ADAMTS17: variants seen among roughly 807,000 people sequenced by gnomAD.
ADAMTS17 encodes A disintegrin and metalloproteinase with thrombospondin motifs 17.
A neutral mutation model predicts 141.5 loss-of-function variants in ADAMTS17; 113 were observed. The observed-to-expected ratio is 0.80, with a 90% CI of 0.69 to 0.93. ADAMTS17 has a LOEUF of 0.93. ADAMTS17 is among the 40% of genes least tolerant of loss of function. The pLI, the probability that ADAMTS17 is intolerant of heterozygous loss-of-function variation, is 0.00. For synonymous variants in ADAMTS17, 768 were observed against 630.6 expected (o/e 1.22, Z -3.27); for missense variants, 1,659 against 1,517.9 (o/e 1.09, Z -1.54).
intron 8 of ADAMTS17, among the ~76,000 whole-genome samples, chr15:100,161,285 C>T (rs1013357009): frequency 2.0e-5 from 3 of 152,224 alleles, no homozygotes; most frequent in Admixed American, 6.5e-5. Flanking sequence ...GACGGAACCT[C>T]TGCCACTCTG....
intron 15 of ADAMTS17, among the ~76,000 whole-genome samples, chr15:100,070,791 G>A (rs564967613): frequency 1.3e-5 from 2 of 149,156 alleles, no homozygotes; most frequent in African/African-American, 2.5e-5. Context: ...GAGAAAGCAG[G>A]AAAGATCTAA....
intron 7 of ADAMTS17, among the ~76,000 whole-genome samples, chr15:100,215,514 T>C (rs575818040): frequency 1.3e-5 from 2 of 152,264 alleles, no homozygotes; most frequent in East Asian, 1.9e-4. Flanking sequence ...GTGGAGTCTT[T>C]GCATGGCCAA....
intron 15 of ADAMTS17, among the ~76,000 whole-genome samples, chr15:100,068,884 G>C (rs184416355): frequency 6.6e-6 from 1 of 152,318 alleles, no homozygotes; most frequent in East Asian, 1.9e-4. Flanking sequence ...ACCAGCAAGG[G>C]AACAAAGGGA....
At chr15:100,327,054 G>A (rs1357323180) in intron 3 of ADAMTS17, among the ~76,000 whole-genome samples, 2 of 152,114 alleles carry the variant, frequency 1.3e-5, no homozygotes, top group Admixed American at 1.3e-4. Flanking sequence ...GCCAGAGGTT[G>A]CACATTTTTT....
intron 15 of ADAMTS17, among the ~76,000 whole-genome samples, chr15:100,082,386 T>C (rs1596372668): frequency 2.8e-5 from 2 of 71,698 alleles, no homozygotes; most frequent in South Asian, 3.4e-4. Context: ...TTTGATAGTC[T>C]TTTTTTTTTT....
At chr15:100,164,128 C>G (rs1284000242) in intron 8 of ADAMTS17, among the ~76,000 whole-genome samples, 1 of 151,688 alleles carries the variant, frequency 6.6e-6, no homozygotes, top group African/African-American at 2.4e-5. Context: ...ACACCCTCCT[C>G]CACCCCTGCA....
At chr15:100,101,450 C>T (rs1055131241) in intron 14 of ADAMTS17, among the ~76,000 whole-genome samples, 3 of 152,198 alleles carry the variant, frequency 2.0e-5, no homozygotes, top group Non-Finnish European at 4.4e-5. Flanking sequence ...CAGGAATAAA[C>T]GAAATTCCAC....
rs371016999 is a variant in ADAMTS17 at position 100,043,765 on chromosome 15, T to C, written c.2591+5092A>G. On this transcript the variant is annotated intron_variant, in intron 18 of 21. Coordinates refer to ENST00000268070, the MANE Select transcript of ADAMTS17 (RefSeq NM_139057.4). Reference sequence around the variant, plus strand: ...ACAGATGAAGTTTGCTGACCCCTGTTCTACGGAGATACTAAGAACTTGCTT... The same window carrying C: ...ACAGATGAAGTTTGCTGACCCCTGTCCTACGGAGATACTAAGAACTTGCTT... Among the ~76,000 whole-genome samples the C allele has an allele frequency of 3.3e-5, 5 of 152,392 alleles. No individual in the cohort carries two copies. The East Asian group carries it at 9.6e-4, about 29-fold the overall frequency.
At chr15:100,115,435 AGGT>A (rs1010973744) in intron 13 of ADAMTS17, among the ~76,000 whole-genome samples, 1 of 152,216 alleles carries the variant, frequency 6.6e-6, no homozygotes, top group African/African-American at 2.4e-5. Context: ...CGGTCCCCAA[AGGT>A]GGTGTTCTTT....
chr15:100,114,785 G>A (rs1189911480), intron 13 of ADAMTS17, among the ~76,000 whole-genome samples: 3 of 152,208 alleles, frequency 2.0e-5, no homozygotes, highest in Admixed American at 2.0e-4. Context: ...AGGCTTCCTG[G>A]GTGGAGGATC....
chr15:100,120,202 C>A (rs11632267), intron 12 of ADAMTS17, among the ~76,000 whole-genome samples: 1 of 152,204 alleles, frequency 6.6e-6, no homozygotes, highest in Non-Finnish European at 1.5e-5. Flanking sequence ...CAAAAACTAC[C>A]TGAAGAAACT....
intron 19 of ADAMTS17, among the ~76,000 whole-genome samples, chr15:99,994,220 T>C (rs2060749472): frequency 6.6e-6 from 1 of 152,222 alleles, no homozygotes; most frequent in Non-Finnish European, 1.5e-5. Context: ...AAAGATGGTG[T>C]GCAGGAGGCT....
chr15:100,224,233 C>T (rs1488453618), intron 7 of ADAMTS17, among the ~76,000 whole-genome samples: 1 of 152,164 alleles, frequency 6.6e-6, no homozygotes, highest in Non-Finnish European at 1.5e-5. Context: ...GATGTCCACA[C>T]TGCCCACCGC....
At chr15:100,196,714 G>A (rs1016706094) in intron 8 of ADAMTS17, among the ~76,000 whole-genome samples, 41 of 152,238 alleles carry the variant, frequency 2.7e-4, no homozygotes, top group Admixed American at 3.3e-4. Context: ...TCGTGTCTGT[G>A]AAACAGCCTG....
rs1020940478 is a variant in ADAMTS17 at position 100,152,825 on chromosome 15, T to G, written c.1323-63A>C. On this transcript the variant is annotated intron_variant, in intron 9 of 21. Transcript: ENST00000268070. ...CTGCCTAGGTTTTTTTGTTTTCTTT[T>G]TCTTTTTTTTTTTGAGTTTTCAGTC... 8.1e-6 allele frequency: 12 copies of G among 1,476,958 alleles called. No individual in the cohort carries two copies. The African/African-American group carries it at 1.8e-4, about 22-fold the overall frequency. The allele number at this position is 1,476,958 out of a possible 1,614,324, so 91.5% of individuals were successfully genotyped here.
chr15:100,162,314 ACATGTAAGTGTAGGT>A (rs2141415185), intron 8 of ADAMTS17, among the ~76,000 whole-genome samples: 1 of 150,938 alleles, frequency 6.6e-6, no homozygotes, highest in South Asian at 2.1e-4. Context: ...ATATATACGT[ACATGTAAGTGTAGGT>A]ATATACCTGT....
chr15:100,065,047 GTTTA>G (rs2033417460), intron 15 of ADAMTS17, among the ~76,000 whole-genome samples: 3 of 152,148 alleles, frequency 2.0e-5, no homozygotes, highest in Non-Finnish European at 4.4e-5. Flanking sequence ...ATTTTGAGGG[GTTTA>G]TTTATTCATT....
intron 18 of ADAMTS17, among the ~76,000 whole-genome samples, chr15:100,041,607 G>C (rs1207220179): frequency 1.3e-5 from 2 of 152,196 alleles, no homozygotes; most frequent in Non-Finnish European, 2.9e-5. Flanking sequence ...ATAACAGCTG[G>C]GCTGATCTGT....
At chr15:100,083,083 G>A (rs1035635263) in intron 15 of ADAMTS17, among the ~76,000 whole-genome samples, 1 of 152,148 alleles carries the variant, frequency 6.6e-6, no homozygotes, top group Non-Finnish European at 1.5e-5. Context: ...CCACTTAAAC[G>A]TGTGTGACCA....
Sources: gnomAD v4.1 joint callset for allele counts (sites outside exome capture counted in the v4.1 genomes callset) on GRCh38, gnomAD v4.1.1 for gene constraint, MANE v1.5 for transcripts, NCBI Gene and HGNC (gene_info 2026-07-23, HGNC 2026-07-21) for gene names.